Variants in PCDHGA6 observed in about 807,000 individuals in gnomAD.
The protein encoded by PCDHGA6 is protocadherin gamma subfamily A, 6.
In PCDHGA6, 41 loss-of-function variants were observed where a neutral mutation model predicts 60.6. The observed-to-expected ratio is 0.68, with a 90% CI of 0.53 to 0.88. PCDHGA6 has a LOEUF of 0.88. Ranked by LOEUF, PCDHGA6 falls within the 40% of genes least tolerant of loss-of-function variation. The probability of loss-of-function intolerance (pLI) is 0.00; values close to 1 mark genes in which losing one functional copy is unlikely to be tolerated. For synonymous variants in PCDHGA6, 594 were observed against 524.4 expected (o/e 1.13, Z -1.81); for missense variants, 1,312 against 1,203.0 (o/e 1.09, Z -1.34).
Position 141,375,005 on chromosome 5 carries a change from G to A in PCDHGA6, c.922G>A (p.Asp308Asn), listed in dbSNP as rs757710290. ...AGAAATTTCAACTTCTGCAAATCTA[G>A]ACTATGAGGACTCGAGTTTTTATGA... Reference protein sequence around the residue: ...TGEISTSANLDYEDSSFYELG... With the variant: ...TGEISTSANLNYEDSSFYELG... The change falls in exon 1 of 4, where the codon GAC (aspartate) becomes AAC (asparagine). Residue 308 changes from aspartate to asparagine, a missense_variant. Physicochemically the swap from Asp to Asn is conservative, Grantham distance 23 (BLOSUM62 1). Transcript: ENST00000517434. 2 of 1,613,892 alleles carry A rather than the reference G, an allele frequency of 1.2e-6. No homozygotes were observed. Among genetic ancestry groups the A allele is most frequent in the African/African-American group, 2.7e-5 (2 of 74,936 alleles).
intron 1 of PCDHGA6, chr5:141,384,235 A>C (rs1779874846): frequency 1.2e-6 from 2 of 1,613,774 alleles, no homozygotes; most frequent in Admixed American, 1.7e-5. Context: ...GGCAGACACC[A>C]ACGATAACCC....
rs1244735686 is a variant in PCDHGA6 at position 141,432,142 on chromosome 5, C to A, written c.2424+55635C>A. 1 of 1,614,098 alleles carries A rather than the reference C, an allele frequency of 6.2e-7. No homozygotes were observed. The highest frequency in any genetic ancestry group is 1.1e-5 in the South Asian group (1 of 91,066). On this transcript the variant is annotated intron_variant, in intron 1 of 3. Transcript: ENST00000517434. This position sits in a 1 kb window ranked among gnomAD's most constrained non-coding sequence, Gnocchi z 6.0. ...CTCAGGCCTCCTATTCCGCTTATAT[C>A]CCAGAGAACAATCCCAGAGGAGTTT...
At chr5:141,383,914 G>C (rs1167823249) in intron 1 of PCDHGA6, 9 of 1,613,960 alleles carry the variant, frequency 5.6e-6, no homozygotes, top group Non-Finnish European at 6.8e-6. Flanking sequence ...CACAGTTTTA[G>C]ATGTAAATGA....
chr5:141,491,938 C>A lies in PCDHGA6; in HGVS notation c.2425-2869C>A, dbSNP rs1207647899. Reference sequence around the variant, plus strand: ...TGTGGGCGAGGGGAGGTGGGACCGACCCCCACCCCTACACTCAAAAAAGGC... The same window carrying A: ...TGTGGGCGAGGGGAGGTGGGACCGAACCCCACCCCTACACTCAAAAAAGGC... On this transcript the variant is annotated intron_variant, in intron 1 of 3. Transcript: ENST00000517434. This position sits in a 1 kb window ranked among gnomAD's most constrained non-coding sequence, Gnocchi z 6.9. 1.7e-6 allele frequency: 2 copies of A among 1,199,072 alleles called. No homozygotes were observed. The highest frequency in any genetic ancestry group is 3.1e-5 in the Admixed American group (1 of 32,246). The allele number at this position is 1,199,072 out of a possible 1,614,324, so 74.3% of individuals were successfully genotyped here. A position where few individuals can be genotyped will look rare whatever the true frequency, so the allele number is the denominator to read the frequency against.
intron 1 of PCDHGA6, among the ~76,000 whole-genome samples, chr5:141,456,808 C>CA (rs1316636483): frequency 6.6e-5 from 10 of 151,878 alleles, no homozygotes; most frequent in Admixed American, 6.6e-4. Flanking sequence ...ACTAAAAATA[C>CA]AAAAAATTAG....
intron 1 of PCDHGA6, chr5:141,389,516 G>A: frequency 6.2e-7 from 1 of 1,613,168 alleles, no homozygotes; most frequent in Non-Finnish European, 8.5e-7. Context: ...GCGCGAACGT[G>A]AGCCTGCGCG....
In PCDHGA6 at chr5:141,409,944, C is replaced by T. The variant is rs779095634; in HGVS notation, c.2424+33437C>T. The T allele has an allele frequency of 6.2e-7, 1 of 1,613,302 alleles. No individual in the cohort carries two copies. The highest frequency in any genetic ancestry group is 1.7e-5 in the Admixed American group (1 of 60,024). On this transcript the variant is annotated intron_variant, in intron 1 of 3. Transcript: ENST00000517434. ...GCGTTCTTCGATATGGTACCTCGCTCTGCAGAGCCCGGCTACCTAGTGACT... is the reference window on the plus strand; with the variant it reads ...GCGTTCTTCGATATGGTACCTCGCTTTGCAGAGCCCGGCTACCTAGTGACT...
At chr5:141,402,820 C>G (rs1351401631) in intron 1 of PCDHGA6, 2 of 1,288,046 alleles carry the variant, frequency 1.6e-6, no homozygotes, top group Admixed American at 5.9e-5. Flanking sequence ...CACAAACCTG[C>G]TCCCAGGCTG....
chr5:141,415,182 C>T (rs2095840318), intron 1 of PCDHGA6: 2 of 1,613,842 alleles, frequency 1.2e-6, no homozygotes, highest in Non-Finnish European at 1.7e-6. Flanking sequence ...TGGCCGTGGC[C>T]GACAGCATCC....
At chr5:141,401,900 AATT>A (rs1215744256) in intron 1 of PCDHGA6, among the ~76,000 whole-genome samples, 1 of 152,196 alleles carries the variant, frequency 6.6e-6, no homozygotes, top group Non-Finnish European at 1.5e-5. Flanking sequence ...CTTTTTCCCA[AATT>A]ATTATATAAG....
intron 1 of PCDHGA6, among the ~76,000 whole-genome samples, chr5:141,396,897 T>C (rs1337739986): frequency 1.3e-5 from 2 of 152,220 alleles, no homozygotes; most frequent in African/African-American, 4.8e-5. Flanking sequence ...CAACATATTA[T>C]TGGCACTTTG....
intron 1 of PCDHGA6, among the ~76,000 whole-genome samples, chr5:141,473,298 A>G (rs1033516450): frequency 1.3e-5 from 2 of 152,244 alleles, no homozygotes; most frequent in Non-Finnish European, 2.9e-5. Context: ...AGTAGCATAA[A>G]GATTGCTATA....
chr5:141,485,887 C>T lies in PCDHGA6; in HGVS notation c.2425-8920C>T. 1 of 1,614,098 alleles carries T rather than the reference C, an allele frequency of 6.2e-7. No homozygotes were observed. On this transcript the variant is annotated intron_variant, in intron 1 of 3. Transcript: ENST00000517434. The surrounding 1 kb of genome is among the most constrained non-coding windows in gnomAD (Gnocchi z 5.7). ...TATCCGTGCTGGACGTAAACGACAA[C>T]GCCCCAGCCTTCCAGCAATCCAGCT...
chr5:141,376,508 G>A lies in PCDHGA6; in HGVS notation c.2424+1G>A, dbSNP rs1267982619. On this transcript the variant is annotated splice_donor_variant, in intron 1 of 3. Coordinates refer to ENST00000517434, the MANE Select transcript of PCDHGA6 (RefSeq NM_018919.3). LOFTEE classifies it high-confidence loss of function. ...GAAAGGAGAACCCAGGCAACTTCAG[G>A]TGAGTTTCTTTCCGCCTAAGCGGGA... The A allele has an allele frequency of 6.2e-7, 1 of 1,614,020 alleles. No individual in the cohort carries two copies. The highest frequency in any genetic ancestry group is 1.1e-5 in the South Asian group (1 of 91,086).
intron 1 of PCDHGA6, among the ~76,000 whole-genome samples, chr5:141,448,378 A>G (rs1288817591): frequency 6.6e-6 from 1 of 152,154 alleles, no homozygotes; most frequent in East Asian, 1.9e-4. Context: ...ATTTTTGAAT[A>G]GGAAATACAT....
intron 3 of PCDHGA6, among the ~76,000 whole-genome samples, chr5:141,510,329 A>T (rs1433056614): frequency 2.7e-5 from 4 of 150,230 alleles, no homozygotes; most frequent in Admixed American, 2.7e-4. Flanking sequence ...AGCACTCTTC[A>T]CCCCCACCCC....
chr5:141,394,580 C>G, intron 1 of PCDHGA6: 1 of 1,613,914 alleles, frequency 6.2e-7, no homozygotes, highest in Non-Finnish European at 8.5e-7. Flanking sequence ...ACCTGGTGAC[C>G]AAGGTGGTGG....
intron 1 of PCDHGA6, among the ~76,000 whole-genome samples, chr5:141,435,833 A>G (rs1354866725): frequency 6.6e-6 from 1 of 152,112 alleles, no homozygotes; most frequent in Non-Finnish European, 1.5e-5. Flanking sequence ...TTTGCTGCCT[A>G]TCTACTTTGA....
At position 141,431,897 on chromosome 5, in the gene PCDHGA6, G is replaced by C. The variant is rs1591112104; in HGVS notation, c.2424+55390G>C. 6.2e-7 allele frequency: 1 copy of C among 1,613,830 alleles called. No homozygotes were observed. The highest frequency in any genetic ancestry group is 8.5e-7 in the Non-Finnish European group (1 of 1,179,704). ...AAATGACCAAGATTCTGAGGAAAAC[G>C]GACAGGTGATCTGTTTCATCCAAGG... On this transcript the variant is annotated intron_variant, in intron 1 of 3. Coordinates refer to ENST00000517434, the MANE Select transcript of PCDHGA6 (RefSeq NM_018919.3). The surrounding 1 kb of genome is among the most constrained non-coding windows in gnomAD (Gnocchi z 4.8).
Sources: gnomAD v4.1 joint callset for allele counts (sites outside exome capture counted in the v4.1 genomes callset) on GRCh38, gnomAD v4.1.1 for gene constraint, Gnocchi (gnomAD v3.1) non-coding constraint, MANE v1.5 for transcripts, NCBI Gene and HGNC (gene_info 2026-07-23, HGNC 2026-07-21) for gene names.